The following RBFOX1 variants were observed in gnomAD, a reference collection of about 807,000 sequenced individuals.
RBFOX1 encodes the protein RNA binding fox-1 homolog 1.
In RBFOX1, 8 loss-of-function variants were observed where a neutral mutation model predicts 57.7. That is an observed-to-expected ratio of 0.14 (90% CI 0.08 to 0.25). The LOEUF (loss-of-function observed/expected upper bound fraction) is 0.25. Among genes scored for constraint, RBFOX1 ranks in the 10% least tolerant of loss-of-function variants. RBFOX1 has a pLI of 1.00. For synonymous variants in RBFOX1, 326 were observed against 222.4 expected, an observed-to-expected ratio of 1.47 and a Z score of -4.15; for missense variants, 611 against 548.5, an observed-to-expected ratio of 1.11 and a Z score of -1.14.
chr16:7,002,021 T>A (rs1453053573), intron 3 of RBFOX1, among the ~76,000 whole-genome samples: 1 of 152,070 alleles, frequency 6.6e-6, no homozygotes, highest in Admixed American at 6.6e-5. Flanking sequence ...CTGGGCATAG[T>A]TGATTCAGGG....
At chr16:5,532,290 A>G (rs1462450179) in intron 2 of RBFOX1, among the ~76,000 whole-genome samples, 2 of 152,194 alleles carry the variant, frequency 1.3e-5, no homozygotes, top group Admixed American at 6.5e-5. Context: ...GACTTTGCCA[A>G]ACATTTCTGG....
intron 3 of RBFOX1, among the ~76,000 whole-genome samples, chr16:6,732,306 C>G (rs1308947206): frequency 2.0e-5 from 3 of 152,194 alleles, no homozygotes; most frequent in South Asian, 2.1e-4. Context: ...AATTCACCGT[C>G]TCGGCCCCAG....
At position 5,313,218 on chromosome 16, in the gene RBFOX1, C is replaced by T. The variant is rs79444174; in HGVS notation, c.219+73113C>T. On this transcript the variant is annotated intron_variant, in intron 1 of 2. Transcript: ENST00000585867. The stretch of plus-strand genomic sequence containing the variant: ...CAGCCTGTTGAAGCAGGGCAAATTG[C>T]TCCATTTGCTGCAACCCTTAGGACC... Among the ~76,000 whole-genome samples the T allele has an allele frequency of 3.4e-3, 521 of 152,288 alleles. 2 individuals carry two copies. The highest frequency in any genetic ancestry group is 0.012 in the African/African-American group (500 of 41,570).
intron 2 of RBFOX1, among the ~76,000 whole-genome samples, chr16:5,538,616 C>T (rs1484751362): frequency 2.6e-5 from 3 of 114,030 alleles, no homozygotes; most frequent in Non-Finnish European, 5.2e-5. Flanking sequence ...GGCTTTATTT[C>T]TTCTTTTTTT....
At chr16:5,343,248 CT>C (rs1231220813) in intron 1 of RBFOX1, among the ~76,000 whole-genome samples, 1 of 145,758 alleles carries the variant, frequency 6.9e-6, no homozygotes, top group African/African-American at 2.5e-5. Flanking sequence ...TACTTCTGTA[CT>C]TTTCAGTTAA....
chr16:7,073,927 G>A (rs896920485), intron 4 of RBFOX1, among the ~76,000 whole-genome samples: 13 of 152,182 alleles, frequency 8.5e-5, no homozygotes, highest in Middle Eastern at 3.4e-3. Context: ...ATCCAGAGCA[G>A]TGTTTGGCAA....
At chr16:6,577,252 T>C (rs1303577215) in intron 2 of RBFOX1, 1 of 152,210 alleles carries the variant, frequency 6.6e-6, no homozygotes, top group African/African-American at 2.4e-5. Flanking sequence ...TGTAATAGCA[T>C]CTAGCATTGC....
chr16:5,485,170 C>T (rs1273288948), intron 2 of RBFOX1, among the ~76,000 whole-genome samples: 1 of 151,544 alleles, frequency 6.6e-6, no homozygotes, highest in African/African-American at 2.4e-5. Flanking sequence ...CATGGAGAAA[C>T]CCCGTCTCTA....
intron 2 of RBFOX1, among the ~76,000 whole-genome samples, chr16:6,363,008 C>T (rs926431499): frequency 2.0e-5 from 3 of 152,146 alleles, no homozygotes; most frequent in Non-Finnish European, 2.9e-5. Flanking sequence ...GGCATGATTA[C>T]TTGGGTCTTC....
chr16:6,565,348 C>T (rs1019698186), intron 2 of RBFOX1, among the ~76,000 whole-genome samples: 2 of 151,976 alleles, frequency 1.3e-5, no homozygotes, highest in East Asian at 1.9e-4. Context: ...CCTCCATCTC[C>T]CAGATTCAAG....
At chr16:5,646,823 C>T (rs1386339619) in intron 3 of RBFOX1, among the ~76,000 whole-genome samples, 3 of 151,822 alleles carry the variant, frequency 2.0e-5, no homozygotes, top group Admixed American at 6.6e-5. Context: ...TTAGTAGAGA[C>T]AGGGTTTCAC....
At chr16:6,596,443 A>G (rs746750342) in intron 2 of RBFOX1, among the ~76,000 whole-genome samples, 2 of 152,204 alleles carry the variant, frequency 1.3e-5, no homozygotes, top group Non-Finnish European at 2.9e-5. Context: ...GTTTAATTGT[A>G]GAATGTAAAT....
intron 3 of RBFOX1, among the ~76,000 whole-genome samples, chr16:5,754,380 A>G (rs1051205141): frequency 6.6e-6 from 1 of 152,100 alleles, no homozygotes; most frequent in Non-Finnish European, 1.5e-5. Flanking sequence ...GTTTTAATTG[A>G]TGATTGATGT....
intron 3 of RBFOX1, among the ~76,000 whole-genome samples, chr16:6,725,522 C>G (rs1030806165): frequency 2.0e-5 from 3 of 152,056 alleles, no homozygotes; most frequent in African/African-American, 7.2e-5. Flanking sequence ...ATTGCCCACC[C>G]CTTTCCTGGA....
chr16:6,832,759 C>A (rs898063547), intron 3 of RBFOX1, among the ~76,000 whole-genome samples: 1 of 152,198 alleles, frequency 6.6e-6, no homozygotes. Context: ...ACTGTCCCTA[C>A]CTGTTTGAGC....
chr16:6,756,823 A>T (rs34071410), intron 3 of RBFOX1, among the ~76,000 whole-genome samples: 37,704 of 151,778 alleles, frequency 0.25, 5,171 homozygotes, highest in Non-Finnish European at 0.31. Context: ...AATACAACAA[A>T]AATTAGCCAG....
At chr16:5,259,056 G>A (rs1303540489) in intron 1 of RBFOX1, among the ~76,000 whole-genome samples, 1 of 152,154 alleles carries the variant, frequency 6.6e-6, no homozygotes, top group East Asian at 1.9e-4. Flanking sequence ...TCCCAGGGCT[G>A]GCTCTGATGC....
At chr16:7,333,509 T>C (rs912211761) in intron 4 of RBFOX1, among the ~76,000 whole-genome samples, 2 of 152,196 alleles carry the variant, frequency 1.3e-5, no homozygotes, top group African/African-American at 4.8e-5. Context: ...CATTAATTCA[T>C]AGGACGCCTC....
At chr16:5,516,396 C>T (rs2043793941) in intron 2 of RBFOX1, among the ~76,000 whole-genome samples, 1 of 152,070 alleles carries the variant, frequency 6.6e-6, no homozygotes, top group African/African-American at 2.4e-5. Flanking sequence ...TTCTTGTCTC[C>T]CATCACCTCT....
Sources: gnomAD v4.1 joint callset for allele counts (sites outside exome capture counted in the v4.1 genomes callset) on GRCh38, gnomAD v4.1.1 for gene constraint, MANE v1.5 for transcripts, NCBI Gene and HGNC (gene_info 2026-07-23, HGNC 2026-07-21) for gene names.